The following GALNT13 variants were observed in gnomAD, a reference collection of about 807,000 sequenced individuals.
GALNT13 encodes UDP-GalNAc:polypeptide N-acetylgalactosaminyltransferase 13.
Under a neutral mutation model 64.2 loss-of-function variants are expected in GALNT13, and 28 were observed. That is an observed-to-expected ratio of 0.44 (90% confidence interval 0.32 to 0.60). The LOEUF (loss-of-function observed/expected upper bound fraction) is 0.60. Ranked by LOEUF, GALNT13 falls within the 20% of genes least tolerant of loss-of-function variation. The pLI is 0.05. For synonymous variants in GALNT13, 214 were observed against 224.6 expected (o/e 0.95, Z 0.42); for missense variants, 577 against 669.8 (o/e 0.86, Z 1.53).
chr2:153,491,636 C>A, the GALNT13 span, among the ~76,000 whole-genome samples: 1 of 122,602 alleles, frequency 8.2e-6, no homozygotes, highest in Middle Eastern at 4.4e-3. Context: ...TTATTTATTT[C>A]TTCAGACGGA....
At chr2:153,531,426 G>T in the GALNT13 span, among the ~76,000 whole-genome samples, 1 of 152,124 alleles carries the variant, frequency 6.6e-6, no homozygotes, top group Admixed American at 6.5e-5. Flanking sequence ...TTGGGATGGT[G>T]CTAAACCTTT....
At chr2:153,966,399 A>C (rs1266547945) in intron 3 of GALNT13, among the ~76,000 whole-genome samples, 5 of 148,968 alleles carry the variant, frequency 3.4e-5, no homozygotes, top group Admixed American at 1.3e-4. Context: ...GGAGTCTTGC[A>C]CTGTCGCCTA....
intron 8 of GALNT13, among the ~76,000 whole-genome samples, chr2:154,291,400 G>C (rs1284023398): frequency 6.6e-6 from 1 of 152,192 alleles, no homozygotes; most frequent in Admixed American, 6.5e-5. Context: ...ACAGAGTGCT[G>C]ATTGGTGCAT....
At chr2:153,486,558 C>G in the GALNT13 span, among the ~76,000 whole-genome samples, 1 of 152,052 alleles carries the variant, frequency 6.6e-6, no homozygotes, top group African/African-American at 2.4e-5. Flanking sequence ...CTTTACATGC[C>G]AGGCATGTGA....
At chr2:154,031,345 A>C (rs1698325602) in intron 3 of GALNT13, among the ~76,000 whole-genome samples, 1 of 152,046 alleles carries the variant, frequency 6.6e-6, no homozygotes, top group South Asian at 2.1e-4. Context: ...AGAGGAAAAA[A>C]ATAAACAACA....
At chr2:154,017,809 AT>A (rs1697110734) in intron 3 of GALNT13, among the ~76,000 whole-genome samples, 1 of 152,126 alleles carries the variant, frequency 6.6e-6, no homozygotes, top group Admixed American at 6.5e-5. Context: ...TGTGGAGTTT[AT>A]TTTTGTTATT....
Position 154,011,401 on chromosome 2 carries a change from TG to T in GALNT13, c.142+66764del, listed in dbSNP as rs1205458183. Among the ~76,000 whole-genome samples, 3 of 152,108 alleles carry T rather than the reference TG, an allele frequency of 2.0e-5. No homozygotes were observed. In the East Asian group the frequency reaches 5.8e-4, roughly 29 times the overall value. On this transcript the variant is annotated intron_variant, in intron 3 of 12. Transcript: ENST00000392825. ...ATTGTATGGTTTTGAGTGATCTTCA[TG>T]GCTATTTTTATAGCGCTGTGGTCTG...
intron 10 of GALNT13, among the ~76,000 whole-genome samples, chr2:154,404,964 G>A (rs1699461378): frequency 6.6e-6 from 1 of 151,676 alleles, no homozygotes; most frequent in Non-Finnish European, 1.5e-5. Context: ...AAGGAAAGAA[G>A]GAAGGAAGAA....
chr2:153,836,876 A>T, the GALNT13 span, among the ~76,000 whole-genome samples: 1 of 152,020 alleles, frequency 6.6e-6, no homozygotes, highest in East Asian at 1.9e-4. Flanking sequence ...CGTGGTGTAT[A>T]TGTGCCACAT....
At chr2:153,901,546 G>A (rs1688236507) in intron 2 of GALNT13, among the ~76,000 whole-genome samples, 2 of 151,928 alleles carry the variant, frequency 1.3e-5, no homozygotes, top group Admixed American at 1.3e-4. Flanking sequence ...GTATTCCTAG[G>A]TATTTTATTC....
intron 2 of GALNT13, among the ~76,000 whole-genome samples, chr2:153,938,201 C>T (rs1436870994): frequency 6.6e-6 from 1 of 152,050 alleles, no homozygotes; most frequent in Admixed American, 6.6e-5. Flanking sequence ...GGACAGTTCA[C>T]CAGGGTAACA....
chr2:153,637,610 C>A, the GALNT13 span, among the ~76,000 whole-genome samples: 2 of 151,984 alleles, frequency 1.3e-5, no homozygotes, highest in African/African-American at 4.8e-5. Context: ...TTTCTTGGAG[C>A]CTTTAGATGC....
intron 2 of GALNT13, among the ~76,000 whole-genome samples, chr2:153,942,786 G>A (rs531282812): frequency 2.0e-5 from 3 of 151,854 alleles, no homozygotes; most frequent in Admixed American, 6.6e-5. Context: ...TGTAACTGGC[G>A]CTTTATGTGA....
the GALNT13 span, among the ~76,000 whole-genome samples, chr2:153,354,669 T>C: frequency 1.3e-5 from 2 of 152,150 alleles, no homozygotes; most frequent in African/African-American, 4.8e-5. Flanking sequence ...TTGTTTACCA[T>C]CTCCCTGCCC....
the GALNT13 span, among the ~76,000 whole-genome samples, chr2:153,134,673 A>T: frequency 6.6e-6 from 1 of 151,928 alleles, no homozygotes; most frequent in African/African-American, 2.4e-5. Flanking sequence ...TGCCCCTTAG[A>T]CGCCCAAGCC....
chr2:153,479,852 TAA>T, the GALNT13 span, among the ~76,000 whole-genome samples: 1 of 152,204 alleles, frequency 6.6e-6, no homozygotes, highest in Non-Finnish European at 1.5e-5. Flanking sequence ...CCTGTCAGAT[TAA>T]GTTTCTTAAC....
the GALNT13 span, among the ~76,000 whole-genome samples, chr2:153,577,902 T>TTATA: frequency 6.0e-5 from 9 of 148,962 alleles, no homozygotes; most frequent in African/African-American, 2.2e-4. Flanking sequence ...GTTTGTGTCT[T>TTATA]TATATATATA....
the GALNT13 span, among the ~76,000 whole-genome samples, chr2:153,707,726 G>T: frequency 6.6e-6 from 1 of 152,136 alleles, no homozygotes; most frequent in African/African-American, 2.4e-5. Flanking sequence ...CATGTTCTGT[G>T]GGGCCAATTA....
At chr2:153,845,036 T>C in the GALNT13 span, among the ~76,000 whole-genome samples, 2 of 152,148 alleles carry the variant, frequency 1.3e-5, no homozygotes, top group Non-Finnish European at 2.9e-5. Context: ...CTCTAAGAAA[T>C]TCCAAACTTT....
Sources: gnomAD v4.1 joint callset for allele counts (sites outside exome capture counted in the v4.1 genomes callset) on GRCh38, gnomAD v4.1.1 for gene constraint, MANE v1.5 for transcripts, NCBI Gene and HGNC (gene_info 2026-07-23, HGNC 2026-07-21) for gene names.